The following CSMD3 variants were observed in gnomAD, a reference collection of about 807,000 sequenced individuals.
CSMD3 encodes CUB and sushi domain-containing protein 3.
In CSMD3, 177 loss-of-function variants were observed where a neutral mutation model predicts 435.2. That is an observed-to-expected ratio of 0.41 (90% CI 0.36 to 0.46). CSMD3 has a LOEUF of 0.46. Ranked by LOEUF, CSMD3 falls within the 20% of genes least tolerant of loss-of-function variation. The pLI, the probability that CSMD3 is intolerant of heterozygous loss-of-function variation, is 0.34. For synonymous variants in CSMD3, 1,656 were observed against 1,520.5 expected (o/e 1.09, Z -2.07); for missense variants, 4,265 against 4,504.6 (o/e 0.95, Z 1.52).
chr8:112,882,071 G>GA (rs2081463979), intron 10 of CSMD3, among the ~76,000 whole-genome samples: 1 of 151,684 alleles, frequency 6.6e-6, no homozygotes, highest in African/African-American at 2.4e-5. Flanking sequence ...AAAAAATTCT[G>GA]AAAATCAAAA....
intron 24 of CSMD3, among the ~76,000 whole-genome samples, chr8:112,571,594 C>T (rs1311253178): frequency 6.6e-6 from 1 of 151,810 alleles, no homozygotes; most frequent in Non-Finnish European, 1.5e-5. Context: ...GCAGGCTGGG[C>T]ATGGTGGCTA....
At chr8:112,380,997 A>G (rs538076337) in intron 37 of CSMD3, among the ~76,000 whole-genome samples, 7 of 152,278 alleles carry the variant, frequency 4.6e-5, no homozygotes, top group African/African-American at 1.7e-4. Context: ...AGATTGGTGA[A>G]CTAACTAAAA....
At chr8:112,505,965 A>G (rs1033513891) in intron 29 of CSMD3, among the ~76,000 whole-genome samples, 2 of 152,126 alleles carry the variant, frequency 1.3e-5, no homozygotes, top group African/African-American at 4.8e-5. Context: ...TATGTAAACT[A>G]AGCCCTGTAT....
intron 41 of CSMD3, among the ~76,000 whole-genome samples, chr8:112,343,598 C>T (rs1329646811): frequency 1.3e-5 from 2 of 152,172 alleles, no homozygotes; most frequent in Non-Finnish European, 1.5e-5. Context: ...CGTCCTGCAG[C>T]AGACTGACAT....
rs7001344 is a variant in CSMD3 at position 112,224,200 on chromosome 8, C to G, written c.*571G>C. On this transcript the variant is annotated 3_prime_UTR_variant, in exon 71 of 71. Transcript: ENST00000297405. ...AAAGATTCAAATTGGAATGGGAAAC[C>G]TTATGTCTTCCGAGGCATAAACTAG... 0.057 allele frequency: 8,739 copies of G among 154,614 alleles called. 352 individuals carry two copies. Among genetic ancestry groups the G allele is most frequent in the East Asian group, 0.14 (747 of 5,236 alleles). 9.6% of individuals were successfully genotyped at this position (154,614 alleles called of 1,614,324 possible).
chr8:112,504,095 G>T (rs563664064), intron 29 of CSMD3, 118 bp from the exon 30 acceptor site: 1 of 617,008 alleles, frequency 1.6e-6, no homozygotes, highest in Non-Finnish European at 2.7e-6. Flanking sequence ...AATAATAAAA[G>T]ACGCTGTCAA....
In CSMD3 at chr8:113,179,005, T is replaced by C. The variant is rs1484381269; in HGVS notation, c.515-5089A>G. 2.0e-5 allele frequency among the ~76,000 whole-genome samples: 3 copies of C among 151,868 alleles called. No homozygotes were observed. The East Asian group carries it at 5.8e-4, about 29-fold the overall frequency. Reference sequence around the variant, plus strand: ...ATAATTAAAATACATTCTATAAATGTACAAGTGAGCAGAGATTTTCATAAG... The same window carrying C: ...ATAATTAAAATACATTCTATAAATGCACAAGTGAGCAGAGATTTTCATAAG... On this transcript the variant is annotated intron_variant, in intron 3 of 70. Transcript: ENST00000297405.
At chr8:112,921,538 A>G in intron 10 of CSMD3, 89 bp downstream of exon 10, 1 of 1,093,034 alleles carries the variant, frequency 9.1e-7, no homozygotes, top group Non-Finnish European at 1.4e-6. Flanking sequence ...ATTATATTAC[A>G]ATTCAAAGAC....
chr8:112,954,407 C>T (rs1462306654), intron 8 of CSMD3, among the ~76,000 whole-genome samples: 1 of 151,426 alleles, frequency 6.6e-6, no homozygotes. Flanking sequence ...ACTTGAGTGT[C>T]CTCAAGACTT....
chr8:112,561,613 ATAT>A (rs1397762578), intron 24 of CSMD3, among the ~76,000 whole-genome samples: 2 of 151,580 alleles, frequency 1.3e-5, no homozygotes, highest in Non-Finnish European at 3.0e-5. Context: ...CTTCACGTTA[ATAT>A]TATTATTACA....
chr8:113,261,177 G>T (rs187649809), intron 3 of CSMD3, among the ~76,000 whole-genome samples: 45 of 152,092 alleles, frequency 3.0e-4, no homozygotes, highest in Non-Finnish European at 6.0e-4. Flanking sequence ...CTATTTATTT[G>T]TCAATATGGA....
chr8:112,678,052 T>A (rs2075806316), intron 16 of CSMD3, among the ~76,000 whole-genome samples: 1 of 152,186 alleles, frequency 6.6e-6, no homozygotes, highest in Non-Finnish European at 1.5e-5. Flanking sequence ...TCTATAATTA[T>A]GTCTGTATAA....
intron 12 of CSMD3, among the ~76,000 whole-genome samples, chr8:112,822,714 C>T (rs1457751206): frequency 2.6e-5 from 4 of 152,074 alleles, no homozygotes; most frequent in African/African-American, 9.7e-5. Flanking sequence ...TGTCTTGTGT[C>T]GGTTTTCACA....
intron 31 of CSMD3, among the ~76,000 whole-genome samples, chr8:112,490,432 C>T (rs1209457801): frequency 6.6e-6 from 1 of 152,060 alleles, no homozygotes; most frequent in Non-Finnish European, 1.5e-5. Context: ...AATATTATGG[C>T]ACATTTCATG....
intron 1 of CSMD3, among the ~76,000 whole-genome samples, chr8:113,424,023 CA>C (rs2094622276): frequency 6.6e-6 from 1 of 151,630 alleles, no homozygotes; most frequent in African/African-American, 2.4e-5. Context: ...GTTTCTTACA[CA>C]ATAAGTAATT....
rs765497066 is a variant in CSMD3, at chr8:112,492,607, C to A, written c.5160G>T (p.Gly1720=). Residue 1720 remains glycine (G), a synonymous_variant, in exon 31 of 71, where the codon GGG becomes GGT. Coordinates refer to ENST00000297405, the MANE Select transcript of CSMD3 (RefSeq NM_198123.2). The part of the protein sequence containing the change: ...GTRLGMDYKL[G]STVTYYCDAG... ...CATCACAGTAATAGGTGACTGTTGA[C>A]CCTAATTTATAATCCATTCCAAGTC... 1 of 1,613,136 alleles carries A rather than the reference C, an allele frequency of 6.2e-7. No homozygotes were observed. Among genetic ancestry groups the A allele is most frequent in the Non-Finnish European group, 8.5e-7 (1 of 1,179,186 alleles).
intron 1 of CSMD3, among the ~76,000 whole-genome samples, chr8:113,385,932 A>T (rs2094437296): frequency 6.6e-6 from 1 of 152,074 alleles, no homozygotes; most frequent in Non-Finnish European, 1.5e-5. Flanking sequence ...TATGAAAATT[A>T]TCTATTTACG....
At position 112,320,062 on chromosome 8, in the gene CSMD3, G is replaced by C. The variant is rs567107343; in HGVS notation, c.7166-81C>G. On this transcript the variant is annotated intron_variant, in intron 45 of 70. Transcript: ENST00000297405. ...TATGCAAAAAAACAAGAAAATTATG[G>C]AAAGTTGTTTAAAAAAATAAAAATA... 9.1e-5 allele frequency: 79 copies of C among 871,910 alleles called. No individual in the cohort carries two copies. In the Admixed American group the frequency reaches 1.0e-3, roughly 12 times the overall value. 54.0% of individuals were successfully genotyped at this position (871,910 alleles called of 1,614,324 possible).
chr8:112,754,721 A>C (rs1006631305), intron 13 of CSMD3, among the ~76,000 whole-genome samples: 2 of 152,164 alleles, frequency 1.3e-5, no homozygotes, highest in African/African-American at 4.8e-5. Context: ...AAAGTGCCTG[A>C]AACCTCTGGC....
Sources: allele counts gnomAD v4.1 joint callset (sites outside exome capture counted in the v4.1 genomes callset), GRCh38; gene constraint gnomAD v4.1.1; transcripts MANE v1.5; gene names NCBI Gene and HGNC (gene_info 2026-07-23, HGNC 2026-07-21).